Variants in ACSL3 observed in about 807,000 individuals in gnomAD.
ACSL3 encodes the protein fatty acid CoA ligase Acsl3.
In ACSL3, 34 loss-of-function variants were observed where a neutral mutation model predicts 84.7. That is an observed-to-expected ratio of 0.40 (90% CI 0.31 to 0.53). The LOEUF is 0.53. ACSL3 is among the 20% of genes least tolerant of loss of function. ACSL3 has a pLI of 0.48. For missense variants in ACSL3, 680 were observed against 873.1 expected (o/e 0.78, Z 2.79); for synonymous variants, 315 against 299.4 (o/e 1.05, Z -0.54).
intron 1 of ACSL3, among the ~76,000 whole-genome samples, chr2:222,887,017 A>G (rs1448484183): frequency 6.6e-6 from 1 of 152,220 alleles, no homozygotes; most frequent in Non-Finnish European, 1.5e-5. Flanking sequence ...ACATGTATCT[A>G]CCGTTATAAT....
chr2:222,906,130 C>T (rs1696287046), intron 3 of ACSL3, among the ~76,000 whole-genome samples: 1 of 152,116 alleles, frequency 6.6e-6, no homozygotes, highest in Non-Finnish European at 1.5e-5. Context: ...TCCAGGGCTG[C>T]TGCTTGTTGT....
chr2:222,899,155 C>A (rs963093207), intron 2 of ACSL3, among the ~76,000 whole-genome samples: 1 of 152,042 alleles, frequency 6.6e-6, no homozygotes, highest in Non-Finnish European at 1.5e-5. Context: ...GGAAAAAATA[C>A]AGGAGACTGA....
Position 222,924,958 on chromosome 2 carries a change from G to A in ACSL3, c.1292+363G>A, listed in dbSNP as rs1286144733. ...GGAGAATGGTGCGAACCCAGGAGGCGGAGCTTGCAGTGAGCCAAGATTGCG... is the reference window on the plus strand; with the variant it reads ...GGAGAATGGTGCGAACCCAGGAGGCAGAGCTTGCAGTGAGCCAAGATTGCG... On this transcript the variant is annotated intron_variant, in intron 11 of 16. Transcript: ENST00000357430. Among the ~76,000 whole-genome samples the A allele has an allele frequency of 9.2e-5, 14 of 151,782 alleles. No homozygotes were observed. In the East Asian group the frequency reaches 1.6e-3, roughly 17 times the overall value.
At chr2:222,902,357 C>T (rs764899296) in intron 3 of ACSL3, among the ~76,000 whole-genome samples, 45 of 152,240 alleles carry the variant, frequency 3.0e-4, no homozygotes, top group South Asian at 2.1e-3. Context: ...TGTTACTTAG[C>T]GTCCCCTGAG....
At chr2:222,916,674 A>G in intron 5 of ACSL3, 178 bp downstream of exon 5, 1 of 623,412 alleles carries the variant, frequency 1.6e-6, no homozygotes. Context: ...TTATATGACA[A>G]ATTGTACCAA....
chr2:222,921,503 TA>T (rs1162414078), intron 8 of ACSL3, 73 bp downstream of exon 8: 201 of 1,408,948 alleles, frequency 1.4e-4, no homozygotes, highest in Non-Finnish European at 1.9e-4. Flanking sequence ...TGTGTCATTT[TA>T]TTAATATATG....
At chr2:222,929,305 T>C (rs1013241249) in intron 13 of ACSL3, among the ~76,000 whole-genome samples, 1 of 4,886 alleles carries the variant, frequency 2.0e-4, no homozygotes, top group African/African-American at 2.7e-3. Context: ...GATTTTTTTC[T>C]TTTTTTTTCT....
intron 11 of ACSL3, 110 bp downstream of exon 11, chr2:222,924,705 T>C: frequency 8.1e-7 from 1 of 1,239,382 alleles, no homozygotes. Flanking sequence ...ATATATTTCA[T>C]AAAGTCAAGA....
chr2:222,922,870 A>G lies in ACSL3; in HGVS notation c.1080+39A>G, dbSNP rs116164403. ...CTGTGACTTGAAATACTAAAAAATC[A>G]TAGTGAATTGTAATGCATTTTTTTC... is the stretch of plus-strand genomic sequence containing the variant. On this transcript the variant is annotated intron_variant, in intron 9 of 16. Transcript: ENST00000357430. The G allele has an allele frequency of 1.5e-3, 2,378 of 1,611,576 alleles. 35 individuals carry two copies. In the African/African-American group the frequency reaches 0.026, roughly 18 times the overall value.
At chr2:222,928,153 A>G (rs1267971133) in intron 12 of ACSL3, among the ~76,000 whole-genome samples, 1 of 152,234 alleles carries the variant, frequency 6.6e-6, no homozygotes, top group African/African-American at 2.4e-5. Context: ...AACATAATGC[A>G]ATAGTAATTC....
At chr2:222,900,394 T>C (rs1197862744) in intron 2 of ACSL3, among the ~76,000 whole-genome samples, 1 of 152,210 alleles carries the variant, frequency 6.6e-6, no homozygotes, top group Non-Finnish European at 1.5e-5. Context: ...TTCCTATGTG[T>C]TCTGTTTGGG....
chr2:222,884,682 A>G (rs1364466602), intron 1 of ACSL3, among the ~76,000 whole-genome samples: 1 of 152,206 alleles, frequency 6.6e-6, no homozygotes, highest in Admixed American at 6.5e-5. Context: ...ACCACTGGGT[A>G]ATCTAGGGTC....
chr2:222,909,095 G>T lies in ACSL3; in HGVS notation c.323G>T (p.Arg108Leu), dbSNP rs199823320. ...KFKNKRLLGT[R>L]EVLNEEDEVQ... ...AAGAACAAAAGACTCTTGGGAACAC[G>T]TGAAGTTTTAAATGAGGAAGATGAA... Residue 108 changes from arginine to leucine, a missense_variant, in exon 4 of 17, where the codon CGT becomes CTT. By Grantham distance (102) the Arg-to-Leu change is moderately radical (BLOSUM62 -2). This residue lies in a region of ACSL3 where 333 missense variants were observed against 347.5 expected (regional missense o/e 0.96). Transcript: ENST00000357430. 2 of 1,604,528 alleles carry T rather than the reference G, an allele frequency of 1.2e-6. No homozygotes were observed. Among genetic ancestry groups the T allele is most frequent in the Non-Finnish European group, 1.7e-6 (2 of 1,177,846 alleles).
chr2:222,872,205 A>C (rs996822585), intron 1 of ACSL3, among the ~76,000 whole-genome samples: 2 of 152,098 alleles, frequency 1.3e-5, no homozygotes, highest in Non-Finnish European at 2.9e-5. Flanking sequence ...GCTCACTGCA[A>C]TCTCCGTCTC....
At chr2:222,919,256 C>T in intron 7 of ACSL3, 54 bp downstream of exon 7, 1 of 1,581,394 alleles carries the variant, frequency 6.3e-7, no homozygotes, top group Non-Finnish European at 8.6e-7. Flanking sequence ...CCACATTCTC[C>T]AGAATTATGC....
At chr2:222,879,573 A>G (rs766816205) in intron 1 of ACSL3, among the ~76,000 whole-genome samples, 1 of 152,204 alleles carries the variant, frequency 6.6e-6, no homozygotes, top group Non-Finnish European at 1.5e-5. Flanking sequence ...ATCTTGAAAG[A>G]TGAGTTTATT....
chr2:222,924,405 G>A, intron 10 of ACSL3, 51 bp from the exon 11 acceptor site: 1 of 1,461,098 alleles, frequency 6.8e-7, no homozygotes, highest in Non-Finnish European at 9.2e-7. Flanking sequence ...AAGTGAATAT[G>A]TAAGGCAGCT....
rs1261191605 is a variant in ACSL3 at position 222,908,935 on chromosome 2, A to G, written c.163A>G (p.Ile55Val). ...SESRQEKSNR[I>V]KAKPVNSKPD... ...GTCAAGACAAGAAAAATCAAACCGAATTAAAGCAAAGCCTGTAAATTCAAA... is the reference window on the plus strand; with the variant it reads ...GTCAAGACAAGAAAAATCAAACCGAGTTAAAGCAAAGCCTGTAAATTCAAA... Residue 55 changes from isoleucine to valine, a missense_variant, in exon 4 of 17, where the codon ATT becomes GTT. Physicochemically the swap from Ile to Val is conservative, Grantham distance 29. This residue lies in a region of ACSL3 where 333 missense variants were observed against 347.5 expected (regional missense o/e 0.96). Transcript: ENST00000357430. 1 of 1,613,130 alleles carries G rather than the reference A, an allele frequency of 6.2e-7. No homozygotes were observed. Among genetic ancestry groups the G allele is most frequent in the Admixed American group, 1.7e-5 (1 of 59,888 alleles).
Position 222,934,586 on chromosome 2 carries a change from T to C in ACSL3, c.1904T>C (p.Leu635Pro), listed in dbSNP as rs1697123905. 6.2e-7 allele frequency: 1 copy of C among 1,602,906 alleles called. No individual in the cohort carries two copies. Among genetic ancestry groups the C allele is most frequent in the Admixed American group, 1.7e-5 (1 of 58,690 alleles). The change falls in exon 16 of 17, where the codon CTA becomes CCA. Residue 635 changes from leucine to proline, a missense_variant. Coordinates refer to ENST00000357430, the MANE Select transcript of ACSL3 (RefSeq NM_004457.5). Reference protein sequence around the residue: ...VVPNQKELTELARKKGLKGTW... With the variant: ...VVPNQKELTEPARKKGLKGTW... Reference sequence around the variant, plus strand: ...CCAAATCAAAAGGAACTAACTGAACTAGCTCGAAAGAAAGGACTTAAAGGG... The same window carrying C: ...CCAAATCAAAAGGAACTAACTGAACCAGCTCGAAAGAAAGGACTTAAAGGG...
Sources: gnomAD v4.1 joint callset for allele counts (sites outside exome capture counted in the v4.1 genomes callset) on GRCh38, gnomAD v4.1.1 for gene constraint, gnomAD v4.1.1 regional missense constraint, MANE v1.5 for transcripts, NCBI Gene and HGNC (gene_info 2026-07-23, HGNC 2026-07-21) for gene names.